Variants in RBBP8NL observed in about 807,000 individuals in gnomAD.
The protein encoded by RBBP8NL is RBBP8 N-terminal-like protein.
A neutral mutation model predicts 62.2 loss-of-function variants in RBBP8NL; 59 were observed. The ratio of observed to expected loss-of-function variants is 0.95; its 90% CI spans 0.77 to 1.18. The LOEUF is 1.18. Among genes scored for constraint, RBBP8NL ranks in the 50% most tolerant of loss-of-function variants. RBBP8NL has a pLI of 0.00. For synonymous variants in RBBP8NL, 412 were observed against 394.1 expected (o/e 1.05, Z -0.54); for missense variants, 896 against 899.5 (o/e 1.00, Z 0.05).
intron 10 of RBBP8NL, 126 bp downstream of exon 10, chr20:62,413,695 T>C: frequency 7.0e-7 from 1 of 1,424,564 alleles, no homozygotes; most frequent in Non-Finnish European, 9.3e-7. Flanking sequence ...GCAGCCTCGC[T>C]TTCTCCCTGG....
intron 1 of RBBP8NL, among the ~76,000 whole-genome samples, chr20:62,426,781 CCACACGCG>C (rs1311353371): frequency 1.3e-5 from 2 of 152,260 alleles, no homozygotes; most frequent in Non-Finnish European, 2.9e-5. Flanking sequence ...CTCGTGTACC[CCACACGCG>C]CGTGCGCCCG....
Position 62,410,619 on chromosome 20 carries a change from C to A in RBBP8NL, c.*259G>T. On this transcript the variant is annotated 3_prime_UTR_variant, in exon 14 of 14. Coordinates refer to ENST00000252998, the MANE Select transcript of RBBP8NL (RefSeq NM_080833.3). Reference sequence around the variant, plus strand: ...CTGAGACCCCTCTCGGTCCTCCAGCCCCTCTTGAAGTGGGCCAGGATGTGC... The same window carrying A: ...CTGAGACCCCTCTCGGTCCTCCAGCACCTCTTGAAGTGGGCCAGGATGTGC... 4.1e-6 allele frequency: 2 copies of A among 492,612 alleles called. No individual in the cohort carries two copies. Among genetic ancestry groups the A allele is most frequent in the South Asian group, 3.4e-5 (1 of 29,228 alleles). The allele number at this position is 492,612 out of a possible 1,614,324, so 30.5% of individuals were successfully genotyped here. A position where few individuals can be genotyped will look rare whatever the true frequency, so the allele number is the denominator to read the frequency against.
chr20:62,415,693 G>A (rs762198784), intron 7 of RBBP8NL, 33 bp from the exon 8 acceptor site: 1 of 1,611,544 alleles, frequency 6.2e-7, no homozygotes, highest in Non-Finnish European at 8.5e-7. Flanking sequence ...CAAGAGCTTG[G>A]GAGGTGCTCA....
In RBBP8NL at chr20:62,415,242, C is replaced by T; in HGVS notation, c.673G>A (p.Val225Met). The T allele has an allele frequency of 2.6e-6, 4 of 1,558,546 alleles. No individual in the cohort carries two copies. The South Asian group carries it at 4.7e-5, about 18-fold the overall frequency. Residue 225 changes from valine to methionine, a missense_variant, in exon 9 of 14, where the codon GTG (valine) becomes ATG (methionine). By Grantham distance (21) the Val-to-Met change is conservative. Coordinates refer to ENST00000252998, the MANE Select transcript of RBBP8NL (RefSeq NM_080833.3). ...SNQLHGTIAV[V>M]RPGSQACPAD... ...GGGCAAGCCTGGGACCCAGGCCGCA[C>T]CACGGCAATGGTCCCGTGCAGCTGG...
Position 62,414,113 on chromosome 20 carries a change from C to T in RBBP8NL, c.1238G>A (p.Gly413Glu), listed in dbSNP as rs772066386. The change falls in exon 10 of 14, where the codon GGA (glycine) becomes GAA (glutamate). Residue 413 changes from glycine (G) to glutamate (E), a missense_variant. Gly to Glu is a moderately conservative substitution (Grantham distance 98). Transcript: ENST00000252998. ...RAALAAAGLSGGRHTQPAGPG... is the reference protein window; with the variant it reads ...RAALAAAGLSEGRHTQPAGPG... ...GCCTGCAGGCTGTGTGTGCCGCCCTCCAGACAGGCCTGCTGCGGCCAGAGC... is the reference window on the plus strand; with the variant it reads ...GCCTGCAGGCTGTGTGTGCCGCCCTTCAGACAGGCCTGCTGCGGCCAGAGC... 40 of 1,595,262 alleles carry T rather than the reference C, an allele frequency of 2.5e-5. No individual in the cohort carries two copies. Among genetic ancestry groups the T allele is most frequent in the Non-Finnish European group, 3.0e-5 (35 of 1,172,976 alleles).
Position 62,415,960 on chromosome 20 carries a change from G to T in RBBP8NL, c.387-15C>A. 6.6e-7 allele frequency: 1 copy of T among 1,511,178 alleles called. No individual in the cohort carries two copies. 93.6% of individuals were successfully genotyped at this position (1,511,178 alleles called of 1,614,324 possible). ...TGGGCCTGTCTCTAGAGGGGAGGCA[G>T]AGACAGGGAGGGTGAGGGAGAGCAG... On this transcript the variant is annotated splice_polypyrimidine_tract_variant and intron_variant, in intron 6 of 13. Coordinates refer to ENST00000252998, the MANE Select transcript of RBBP8NL (RefSeq NM_080833.3).
chr20:62,417,315 C>A lies in RBBP8NL; in HGVS notation c.109G>T (p.Ala37Ser). The A allele has an allele frequency of 6.3e-7, 1 of 1,592,294 alleles. No individual in the cohort carries two copies. The highest frequency in any genetic ancestry group is 1.1e-5 in the South Asian group (1 of 87,720). ...LELNSERCRD[A>S]QRIEELFSKN... ...GAGAAGAGCTCCTCGATCCTCTGGG[C>A]GTCCCTGTGGTGGGAAACAGCTAAA... The change falls in exon 4 of 14, where the codon GCC becomes TCC. Residue 37 changes from alanine to serine, a missense_variant. Ala to Ser is a moderately conservative substitution (Grantham distance 99, BLOSUM62 1). Coordinates refer to ENST00000252998, the MANE Select transcript of RBBP8NL (RefSeq NM_080833.3).
At chr20:62,414,627 G>A in intron 9 of RBBP8NL, 71 bp from the exon 10 acceptor site, 4 of 1,381,248 alleles carry the variant, frequency 2.9e-6, no homozygotes, top group Non-Finnish European at 3.8e-6. Context: ...CCCTGAGAGG[G>A]AGAGACGACA....
At chr20:62,419,337 G>C (rs1483798183) in intron 2 of RBBP8NL, among the ~76,000 whole-genome samples, 3 of 152,198 alleles carry the variant, frequency 2.0e-5, no homozygotes, top group Non-Finnish European at 4.4e-5. Context: ...TCCCCCTCGG[G>C]GTCACACTCT....
At chr20:62,414,989 G>T in intron 9 of RBBP8NL, 132 bp downstream of exon 9, 2 of 986,278 alleles carry the variant, frequency 2.0e-6, no homozygotes, top group Non-Finnish European at 1.4e-6. Context: ...GCTCCAGGCT[G>T]GGTGCCCAGA....
intron 13 of RBBP8NL, among the ~76,000 whole-genome samples, chr20:62,412,044 G>T (rs576678145): frequency 6.6e-6 from 1 of 152,222 alleles, no homozygotes; most frequent in South Asian, 2.1e-4. Context: ...AAGTTGTCCC[G>T]ATACCCTCGG....
At chr20:62,421,784 G>A (rs1172685068) in intron 1 of RBBP8NL, among the ~76,000 whole-genome samples, 2 of 149,680 alleles carry the variant, frequency 1.3e-5, no homozygotes, top group Non-Finnish European at 3.0e-5. Context: ...TGTGCCATGT[G>A]TGTGCATGCC....
In RBBP8NL at chr20:62,414,430, G is replaced by A; in HGVS notation, c.921C>T (p.Pro307=). ...SLHLQSPHSS[P]LAPAAAPSDP... is the part of the protein sequence containing the mutation. ...CGCTGGGGGCTGCAGCAGGGGCCAG[G>A]GGGCTGCTGTGGGGGCTCTGAAGGT... Residue 307 remains proline (P), a synonymous_variant, in exon 10 of 14, where the codon CCC becomes CCT. Transcript: ENST00000252998. 1 of 1,521,962 alleles carries A rather than the reference G, an allele frequency of 6.6e-7. No homozygotes were observed. Among genetic ancestry groups the A allele is most frequent in the East Asian group, 2.4e-5 (1 of 42,268 alleles). 94.3% of individuals were successfully genotyped at this position (1,521,962 alleles called of 1,614,324 possible).
Position 62,418,335 on chromosome 20 carries a change from G to C in RBBP8NL, c.104+88C>G, listed in dbSNP as rs1340217714. 2.4e-6 allele frequency: 3 copies of C among 1,246,492 alleles called. No individual in the cohort carries two copies. In the East Asian group the frequency reaches 7.6e-5, roughly 32 times the overall value. 77.2% of individuals were successfully genotyped at this position (1,246,492 alleles called of 1,614,324 possible). A position where few individuals can be genotyped will look rare whatever the true frequency, so the allele number is the denominator to read the frequency against. On this transcript the variant is annotated intron_variant, in intron 3 of 13. Coordinates refer to ENST00000252998, the MANE Select transcript of RBBP8NL (RefSeq NM_080833.3). ...CAGTTTCCCTTCTGCACCATAGGAC[G>C]GTGGTAGTGCTGGCACACTGGGGCT... is the stretch of plus-strand genomic sequence containing the variant.
intron 5 of RBBP8NL, 51 bp from the exon 6 acceptor site, chr20:62,416,287 GCAGGGGT>G: frequency 1.6e-5 from 15 of 950,314 alleles, no homozygotes; most frequent in Admixed American, 2.1e-5. Flanking sequence ...GGGGACAGGG[GCAGGGGT>G]GGGGTCGTCA....
At position 62,413,914 on chromosome 20, in the gene RBBP8NL, G is replaced by A; in HGVS notation, c.1437C>T (p.Thr479=). The A allele has an allele frequency of 6.3e-7, 1 of 1,593,340 alleles. No homozygotes were observed. The highest frequency in any genetic ancestry group is 1.7e-5 in the Admixed American group (1 of 57,314). ...AAHTASPEPP[T]QSGPLTRSPQ... ...GACTGCGAGTCAGGGGTCCGGACTG[G>A]GTGGGTGGCTCGGGGCTGGCAGTGT... The change falls in exon 10 of 14, where the codon ACC becomes ACT. Residue 479 remains threonine, a synonymous_variant. Transcript: ENST00000252998.
chr20:62,418,837 G>A (rs183311627), intron 2 of RBBP8NL, among the ~76,000 whole-genome samples: 90 of 152,264 alleles, frequency 5.9e-4, no homozygotes, highest in Non-Finnish European at 1.0e-3. Flanking sequence ...CTTCTGGGGC[G>A]GACCCCACCA....
In RBBP8NL at chr20:62,416,195, T is replaced by C. The variant is rs767566310; in HGVS notation, c.355A>G (p.Lys119Glu). 3 of 1,610,808 alleles carry C rather than the reference T, an allele frequency of 1.9e-6. No homozygotes were observed. The highest frequency in any genetic ancestry group is 2.5e-6 in the Non-Finnish European group (3 of 1,179,082). The part of the protein sequence containing the change: ...NGLKEENETL[K>E]EEVKRLRGLG... ...CCCCGAAGCCGCTTCACCTCCTCCT[T>C]CAAGGTCTCGTTCTCTTCCTTCAGC... The change falls in exon 6 of 14, where the codon AAG (lysine) becomes GAG (glutamate). Residue 119 changes from lysine to glutamate, a missense_variant. Physicochemically the swap from Lys to Glu is moderately conservative, Grantham distance 56 (BLOSUM62 1). Transcript: ENST00000252998.
intron 1 of RBBP8NL, among the ~76,000 whole-genome samples, chr20:62,421,722 G>C (rs1158544442): frequency 6.7e-6 from 1 of 149,480 alleles, no homozygotes; most frequent in African/African-American, 2.5e-5. Context: ...ATGATAGGCA[G>C]TGTGCATGTG....
Sources: gnomAD v4.1 joint callset for allele counts (sites outside exome capture counted in the v4.1 genomes callset) on GRCh38, gnomAD v4.1.1 for gene constraint, MANE v1.5 for transcripts, NCBI Gene and HGNC (gene_info 2026-07-23, HGNC 2026-07-21) for gene names.